Variants in PTPRD observed in about 807,000 individuals in gnomAD.
PTPRD encodes the protein protein tyrosine phosphatase receptor type D.
PTPRD carries 34 observed loss-of-function variants against 214.5 expected under a neutral mutation model. The observed-to-expected ratio is 0.16, with a 90% CI of 0.12 to 0.21. The LOEUF is 0.21. Among genes scored for constraint, PTPRD ranks in the 10% least tolerant of loss-of-function variants. The probability of loss-of-function intolerance (pLI) is 1.00; values close to 1 mark genes in which losing one functional copy is unlikely to be tolerated. For synonymous variants in PTPRD, 1,128 were observed against 845.7 expected (o/e 1.33, Z -5.79); for missense variants, 2,545 against 2,398.7 (o/e 1.06, Z -1.27).
intron 3 of PTPRD, among the ~76,000 whole-genome samples, chr9:10,206,248 G>T (rs899727565): frequency 1.3e-5 from 2 of 152,152 alleles, no homozygotes; most frequent in African/African-American, 4.8e-5. Flanking sequence ...TAGTTTTTAT[G>T]AAAGCCAAGT....
At chr9:10,186,792 G>A (rs1486733832) in intron 3 of PTPRD, among the ~76,000 whole-genome samples, 1 of 152,006 alleles carries the variant, frequency 6.6e-6, no homozygotes, top group African/African-American at 2.4e-5. Flanking sequence ...TGAGTTTTCA[G>A]ATTATTTTAA....
intron 5 of PTPRD, among the ~76,000 whole-genome samples, chr9:9,829,637 T>C (rs992226273): frequency 6.6e-6 from 1 of 151,860 alleles, no homozygotes; most frequent in Non-Finnish European, 1.5e-5. Flanking sequence ...ATATACAGGA[T>C]AACATTAACC....
intron 11 of PTPRD, among the ~76,000 whole-genome samples, chr9:8,980,534 GAAAAT>G (rs1589247857): frequency 6.6e-6 from 1 of 151,946 alleles, no homozygotes. Context: ...AAGTCTATTG[GAAAAT>G]AACATTAGGT....
intron 9 of PTPRD, among the ~76,000 whole-genome samples, chr9:9,321,556 G>GA (rs3048028): frequency 2.5e-4 from 34 of 138,518 alleles, no homozygotes; most frequent in Admixed American, 8.8e-4. Context: ...ACTCCACTGA[G>GA]AAAAAAAAAA....
intron 11 of PTPRD, among the ~76,000 whole-genome samples, chr9:8,967,094 A>C (rs2099201019): frequency 6.6e-6 from 1 of 152,046 alleles, no homozygotes. Flanking sequence ...CCACAGTGAG[A>C]TACTATCTCA....
chr9:9,855,734 C>A (rs2061430758), intron 5 of PTPRD, among the ~76,000 whole-genome samples: 1 of 152,176 alleles, frequency 6.6e-6, no homozygotes, highest in African/African-American at 2.4e-5. Context: ...AGGGCGAACA[C>A]TTTTGGGAGC....
intron 3 of PTPRD, among the ~76,000 whole-genome samples, chr9:10,223,891 C>G (rs1027055570): frequency 7.3e-5 from 11 of 151,588 alleles, no homozygotes; most frequent in Admixed American, 1.3e-4. Flanking sequence ...TCTATACACA[C>G]TATTCTTCAT....
At chr9:8,323,900 G>C (rs1325706793) in intron 44 of PTPRD, among the ~76,000 whole-genome samples, 1 of 152,124 alleles carries the variant, frequency 6.6e-6, no homozygotes, top group Non-Finnish European at 1.5e-5. Flanking sequence ...ACATTGCATG[G>C]TGCAGAGAAG....
intron 11 of PTPRD, among the ~76,000 whole-genome samples, chr9:8,972,067 A>G (rs935416683): frequency 1.3e-5 from 2 of 151,852 alleles, no homozygotes; most frequent in Non-Finnish European, 1.5e-5. Flanking sequence ...AGATATTTAA[A>G]TGGCCTAACA....
chr9:10,079,838 G>T (rs568573282), intron 3 of PTPRD, among the ~76,000 whole-genome samples: 1 of 152,108 alleles, frequency 6.6e-6, no homozygotes, highest in East Asian at 1.9e-4. Flanking sequence ...CGACCCTAAA[G>T]GATATGAAGT....
At chr9:9,844,461 T>G (rs1421129187) in intron 5 of PTPRD, among the ~76,000 whole-genome samples, 2 of 151,946 alleles carry the variant, frequency 1.3e-5, no homozygotes, top group Non-Finnish European at 2.9e-5. Context: ...AATGAGATCT[T>G]GATCAAAGGG....
At chr9:9,193,565 G>C (rs1364956824) in intron 9 of PTPRD, among the ~76,000 whole-genome samples, 1 of 152,114 alleles carries the variant, frequency 6.6e-6, no homozygotes, top group Non-Finnish European at 1.5e-5. Context: ...ATTTCTCCTA[G>C]GCTACACGCC....
intron 11 of PTPRD, among the ~76,000 whole-genome samples, chr9:8,997,743 C>G (rs1420439343): frequency 6.6e-6 from 1 of 152,086 alleles, no homozygotes. Flanking sequence ...GTGAAACACC[C>G]AGATAGCTGA....
In PTPRD at chr9:9,751,579, T is replaced by C. The variant is rs537440468; in HGVS notation, c.-326+15231A>G. ...GAAATCAAATTAAAATGAGGTCATG[T>C]TGAAGTGGGATGGACCACTTATCCA... On this transcript the variant is annotated intron_variant, in intron 6 of 45. Coordinates refer to ENST00000381196, the MANE Select transcript of PTPRD (RefSeq NM_002839.4). Among the ~76,000 whole-genome samples the C allele has an allele frequency of 2.6e-5, 4 of 152,308 alleles. No homozygotes were observed. The South Asian group carries it at 8.3e-4, about 32-fold the overall frequency.
chr9:10,166,003 G>A (rs1029946198), intron 3 of PTPRD, among the ~76,000 whole-genome samples: 2 of 148,696 alleles, frequency 1.3e-5, no homozygotes, highest in Admixed American at 1.3e-4. Flanking sequence ...AAATACAAAA[G>A]TATTTATATA....
chr9:10,292,568 A>C (rs2154401173), intron 3 of PTPRD, among the ~76,000 whole-genome samples: 1 of 152,126 alleles, frequency 6.6e-6, no homozygotes, highest in Non-Finnish European at 1.5e-5. Context: ...AGCCCACAGA[A>C]AACATGTAAC....
At chr9:9,939,224 C>A (rs1187715346) in intron 4 of PTPRD, among the ~76,000 whole-genome samples, 1 of 152,124 alleles carries the variant, frequency 6.6e-6, no homozygotes, top group Non-Finnish European at 1.5e-5. Context: ...TTGACGAAAA[C>A]CATAGAGCAG....
At chr9:9,499,760 C>T (rs186163656) in intron 8 of PTPRD, among the ~76,000 whole-genome samples, 50 of 152,136 alleles carry the variant, frequency 3.3e-4, no homozygotes, top group Non-Finnish European at 6.6e-4. Context: ...TGTTAATGCC[C>T]TCTAGTGTAC....
chr9:10,210,500 T>C (rs979589497), intron 3 of PTPRD, among the ~76,000 whole-genome samples: 2 of 151,870 alleles, frequency 1.3e-5, no homozygotes, highest in African/African-American at 4.8e-5. Flanking sequence ...TCTTGGGGTA[T>C]GGGAAAGAAT....
Sources: gnomAD v4.1 joint callset for allele counts (sites outside exome capture counted in the v4.1 genomes callset) on GRCh38, gnomAD v4.1.1 for gene constraint, MANE v1.5 for transcripts, NCBI Gene and HGNC (gene_info 2026-07-23, HGNC 2026-07-21) for gene names.